The following COL4A6 variants were observed in gnomAD, a reference collection of about 807,000 sequenced individuals.
COL4A6 encodes collagen type IV alpha 6 chain.
A neutral mutation model predicts 126.7 loss-of-function variants in COL4A6; 59 were observed. The observed-to-expected ratio is 0.47, with a 90% CI of 0.38 to 0.58. COL4A6 has a LOEUF of 0.58. Ranked by LOEUF, COL4A6 falls within the 20% of genes least tolerant of loss-of-function variation. COL4A6 has a pLI of 0.00. For missense variants in COL4A6, 1,285 were observed against 1,337.3 expected, an observed-to-expected ratio of 0.96 and a Z score of 0.61; for synonymous variants, 547 against 496.6, an observed-to-expected ratio of 1.10 and a Z score of -1.35.
chrX:108,382,962 A>AAATAATAATACT (rs2040592040), intron 2 of COL4A6, among the ~76,000 whole-genome samples: 1 of 88,304 alleles, frequency 1.1e-5, no homozygotes, highest in Non-Finnish European at 2.2e-5. Context: ...CCCCCGCCAA[A>AAATAATAATACT]AATAATAATA....
chrX:108,349,840 C>G (rs966064595), intron 2 of COL4A6, among the ~76,000 whole-genome samples: 7 of 111,576 alleles, frequency 6.3e-5, no homozygotes, highest in African/African-American at 2.3e-4. Context: ...GATATGGGGG[C>G]CTAACATTTA....
intron 3 of COL4A6, among the ~76,000 whole-genome samples, chrX:108,296,947 A>G (rs1247514800): frequency 1.8e-5 from 2 of 111,950 alleles, no homozygotes; most frequent in Non-Finnish European, 3.8e-5. Context: ...TTAAATGCTG[A>G]TGGTAGGTCA....
Position 108,390,711 on chromosome X carries a change from C to T in COL4A6, c.63+47231G>A, listed in dbSNP as rs5973867. On this transcript the variant is annotated intron_variant, in intron 2 of 44. Coordinates refer to ENST00000334504, the MANE Select transcript of COL4A6 (RefSeq NM_033641.4). ...GCTCGGAGGAGTTTGTTATTACCCA[C>T]CTTCTGAAGCCTACTTCTGTCAGTT... 4.9e-3 allele frequency among the ~76,000 whole-genome samples: 541 copies of T among 110,339 alleles called. 3 individuals carry two copies. Among genetic ancestry groups the T allele is most frequent in the African/African-American group, 0.016 (489 of 30,303 alleles).
rs369082355 is a variant in COL4A6 at position 108,438,216 on chromosome X, C to T, written c.-20G>A. On this transcript the variant is annotated 5_prime_UTR_variant, in exon 1 of 45. Transcript: ENST00000334504. ...GTGCATGCTTGCGGCTCCTCCGGAG[C>T]TGGGTCCCGGGAGACTGCTAAGCGG... is the stretch of plus-strand genomic sequence containing the variant. The T allele has an allele frequency of 5.1e-5, 60 of 1,184,166 alleles. No individual in the cohort carries two copies. The African/African-American group carries it at 1.0e-3, about 20-fold the overall frequency.
intron 38 of COL4A6, 88 bp from the exon 39 acceptor site, chrX:108,165,126 C>T: frequency 1.0e-6 from 1 of 960,691 alleles, no homozygotes; most frequent in Middle Eastern, 4.0e-4. Flanking sequence ...GACTCCAAAG[C>T]CCATTCCCAG....
chrX:108,404,083 A>G (rs1222782389), intron 2 of COL4A6, among the ~76,000 whole-genome samples: 1 of 111,301 alleles, frequency 9.0e-6, no homozygotes, highest in Non-Finnish European at 1.9e-5. Context: ...CCCTCAGTGC[A>G]ACTCCCATAT....
intron 3 of COL4A6, among the ~76,000 whole-genome samples, chrX:108,238,102 G>T (rs1356566599): frequency 7.7e-5 from 8 of 103,810 alleles, no homozygotes; most frequent in Non-Finnish European, 1.6e-4. Flanking sequence ...TTGGGTGTGT[G>T]TGTGTGTGTG....
chrX:108,265,453 A>T (rs2037276126), intron 3 of COL4A6, among the ~76,000 whole-genome samples: 1 of 110,549 alleles, frequency 9.0e-6, no homozygotes, highest in Non-Finnish European at 1.9e-5. Flanking sequence ...AAATAATTAC[A>T]AGTTATTAAG....
intron 2 of COL4A6, among the ~76,000 whole-genome samples, chrX:108,411,895 C>T (rs181864207): frequency 1.1e-4 from 12 of 109,874 alleles, no homozygotes; most frequent in African/African-American, 3.7e-4. Context: ...AGGGGTTGCT[C>T]GGTGTTGAGG....
intron 3 of COL4A6, among the ~76,000 whole-genome samples, chrX:108,269,467 A>T (rs755271609): frequency 1.8e-5 from 2 of 111,652 alleles, no homozygotes; most frequent in Non-Finnish European, 3.8e-5. Context: ...TACTAGCTCA[A>T]ATCTTTTCAA....
At chrX:108,298,356 C>A (rs755228966) in intron 3 of COL4A6, among the ~76,000 whole-genome samples, 1 of 112,626 alleles carries the variant, frequency 8.9e-6, no homozygotes, top group Admixed American at 9.3e-5. Flanking sequence ...CTTGGTGGGG[C>A]GGCGGGTCAG....
At position 108,169,440 on chromosome X, in the gene COL4A6, C is replaced by A. The variant is rs1373404528; in HGVS notation, c.3691+55G>T. On this transcript the variant is annotated intron_variant, in intron 37 of 44. Coordinates refer to ENST00000334504, the MANE Select transcript of COL4A6 (RefSeq NM_033641.4). ...CACATGGCCCTGCTGTACCCTAAAC[C>A]TGACTCTCCCAGCAAGGCCTCACTC... 5.0e-6 allele frequency: 6 copies of A among 1,199,785 alleles called. No individual in the cohort carries two copies. The South Asian group carries it at 1.1e-4, about 22-fold the overall frequency.
intron 2 of COL4A6, among the ~76,000 whole-genome samples, chrX:108,423,130 G>A (rs756472427): frequency 6.2e-5 from 7 of 112,046 alleles, no homozygotes; most frequent in Non-Finnish European, 3.8e-5. Context: ...TTCAAATCTT[G>A]TCTTCTAAGT....
intron 5 of COL4A6, among the ~76,000 whole-genome samples, chrX:108,217,924 G>T (rs2035907307): frequency 8.9e-6 from 1 of 112,004 alleles, no homozygotes; most frequent in African/African-American, 3.3e-5. Context: ...CCCACAGGGA[G>T]TGGGGACTTC....
intron 2 of COL4A6, among the ~76,000 whole-genome samples, chrX:108,342,300 C>CA (rs2148007217): frequency 8.9e-6 from 1 of 112,254 alleles, no homozygotes; most frequent in South Asian, 3.7e-4. Context: ...TTCATGTGAC[C>CA]ATCAGATGCT....
intron 21 of COL4A6, 30 bp downstream of exon 21, chrX:108,188,487 T>A (rs1412464433): frequency 2.2e-5 from 24 of 1,076,518 alleles, no homozygotes; most frequent in Non-Finnish European, 2.8e-5. Flanking sequence ...TTCCATTGCT[T>A]CCTCAGGGTC....
intron 2 of COL4A6, among the ~76,000 whole-genome samples, chrX:108,402,873 G>C (rs1011724248): frequency 1.8e-5 from 2 of 110,790 alleles, no homozygotes; most frequent in African/African-American, 6.5e-5. Flanking sequence ...CAATTTTTAT[G>C]TATGTTCCAT....
chrX:108,193,533 C>T (rs969624942), intron 17 of COL4A6, 95 bp downstream of exon 17: 58 of 742,049 alleles, frequency 7.8e-5, no homozygotes, highest in Non-Finnish European at 1.1e-4. Context: ...TAGCAACAAT[C>T]GAGTAACTAA....
chrX:108,361,240 C>A (rs924351485), intron 2 of COL4A6, among the ~76,000 whole-genome samples: 1 of 111,381 alleles, frequency 9.0e-6, no homozygotes, highest in Admixed American at 9.6e-5. Context: ...TTAGCAGTCA[C>A]AACCTGGACA....
Sources: allele counts gnomAD v4.1 joint callset (sites outside exome capture counted in the v4.1 genomes callset), GRCh38; gene constraint gnomAD v4.1.1; transcripts MANE v1.5; gene names NCBI Gene and HGNC (gene_info 2026-07-23, HGNC 2026-07-21).